The following MAST4 variants were observed in gnomAD, a reference collection of about 807,000 sequenced individuals.
MAST4 encodes the protein microtubule-associated serine/threonine-protein kinase 4.
In MAST4, 89 loss-of-function variants were observed where a neutral mutation model predicts 162.7. The ratio of observed to expected loss-of-function variants is 0.55; its 90% confidence interval spans 0.46 to 0.65. The LOEUF (loss-of-function observed/expected upper bound fraction) is 0.65, where lower values mean the gene tolerates loss of function less well. MAST4 is among the 30% of genes least tolerant of loss of function. The pLI, the probability that MAST4 is intolerant of heterozygous loss-of-function variation, is 0.00. For missense variants in MAST4, 3,153 were observed against 3,374.0 expected (o/e 0.93, Z 1.62); for synonymous variants, 1,479 against 1,361.1 (o/e 1.09, Z -1.91).
intron 4 of MAST4, among the ~76,000 whole-genome samples, chr5:67,020,107 CAT>C (rs1284189311): frequency 2.6e-5 from 4 of 152,178 alleles, no homozygotes; most frequent in African/African-American, 9.7e-5. Flanking sequence ...CTGAACTGTA[CAT>C]GTTACCTCTA....
At chr5:67,135,975 A>G (rs1237113583) in intron 18 of MAST4, among the ~76,000 whole-genome samples, 1 of 152,230 alleles carries the variant, frequency 6.6e-6, no homozygotes, top group Non-Finnish European at 1.5e-5. Context: ...TTCCATTACT[A>G]TGATTACTTT....
intron 4 of MAST4, among the ~76,000 whole-genome samples, chr5:67,050,915 G>A (rs1406912789): frequency 1.3e-5 from 2 of 152,178 alleles, no homozygotes; most frequent in East Asian, 1.9e-4. Flanking sequence ...GCATGGGCAT[G>A]GTGAATGGCT....
chr5:67,120,541 A>G (rs1307917822), intron 13 of MAST4, among the ~76,000 whole-genome samples: 2 of 152,204 alleles, frequency 1.3e-5, no homozygotes, highest in African/African-American at 4.8e-5. Flanking sequence ...AAAGGCAGGC[A>G]TTCTGTACTT....
intron 3 of MAST4, among the ~76,000 whole-genome samples, chr5:66,808,634 A>G (rs1290906320): frequency 6.6e-6 from 1 of 152,162 alleles, no homozygotes; most frequent in Non-Finnish European, 1.5e-5. Flanking sequence ...CCATTGCCAG[A>G]TCAGGGCCAG....
At chr5:66,757,344 C>T (rs1389347905) in intron 1 of MAST4, among the ~76,000 whole-genome samples, 1 of 152,160 alleles carries the variant, frequency 6.6e-6, no homozygotes, top group Non-Finnish European at 1.5e-5. Flanking sequence ...GGTAGGCATC[C>T]ATTCTTAGTG....
At chr5:66,869,910 G>T (rs1199811032) in intron 3 of MAST4, among the ~76,000 whole-genome samples, 3 of 152,094 alleles carry the variant, frequency 2.0e-5, no homozygotes, top group Non-Finnish European at 4.4e-5. Flanking sequence ...GCTCACAGTG[G>T]GTAGTACTTG....
At chr5:67,114,037 C>A (rs1465239557) in intron 11 of MAST4, 50 bp from the exon 12 acceptor site, 12 of 1,607,834 alleles carry the variant, frequency 7.5e-6, no homozygotes, top group Admixed American at 3.4e-5. Flanking sequence ...AATAAAACCT[C>A]AGACAATTTT....
At position 67,162,782 on chromosome 5, in the gene MAST4, C is replaced by T; in HGVS notation, c.3961C>T (p.Pro1321Ser). 1 of 1,613,720 alleles carries T rather than the reference C, an allele frequency of 6.2e-7. No homozygotes were observed. Among genetic ancestry groups the T allele is most frequent in the Non-Finnish European group, 8.5e-7 (1 of 1,179,794 alleles). The stretch of plus-strand genomic sequence containing the variant: ...AAGCTACCGCTCCACCCCTGACTTC[C>T]CATCTGGTGAGTGAGTCTCCTGGTC... ...TPSYRSTPDF[P>S]SGTNSSQSSS... is the part of the protein sequence containing the mutation. Residue 1321 changes from proline to serine, a missense_variant, in exon 28 of 29, where the codon CCA (proline) becomes TCA (serine). Coordinates refer to ENST00000403625, the MANE Select transcript of MAST4 (RefSeq NM_001164664.2).
At chr5:66,620,606 T>TA (rs1199572211) in intron 1 of MAST4, among the ~76,000 whole-genome samples, 1 of 152,248 alleles carries the variant, frequency 6.6e-6, no homozygotes, top group Non-Finnish European at 1.5e-5. Context: ...CTGTGAGCAG[T>TA]AGTCTCATTT....
chr5:66,847,837 A>G (rs1758984553), intron 3 of MAST4, among the ~76,000 whole-genome samples: 1 of 150,958 alleles, frequency 6.6e-6, no homozygotes, highest in African/African-American at 2.4e-5. Context: ...AAAAAAAAAA[A>G]AAAAAAGAAA....
intron 1 of MAST4, among the ~76,000 whole-genome samples, chr5:66,692,825 A>T (rs1408807075): frequency 6.6e-6 from 1 of 152,124 alleles, no homozygotes; most frequent in Non-Finnish European, 1.5e-5. Flanking sequence ...CAAAGTATAT[A>T]TATACTTCAA....
intron 1 of MAST4, among the ~76,000 whole-genome samples, chr5:66,622,079 G>A (rs1223268523): frequency 3.3e-5 from 5 of 152,110 alleles, no homozygotes; most frequent in Admixed American, 2.0e-4. Flanking sequence ...TTACATGGTA[G>A]TGTACCCTAA....
At chr5:66,814,380 C>A (rs1756622807) in intron 3 of MAST4, among the ~76,000 whole-genome samples, 1 of 152,042 alleles carries the variant, frequency 6.6e-6, no homozygotes, top group Non-Finnish European at 1.5e-5. Flanking sequence ...GCTTTTTTTA[C>A]CTTTGGCTAC....
At position 66,850,929 on chromosome 5, in the gene MAST4, C is replaced by CTT. The variant is rs59161379; in HGVS notation, c.643-49007_643-49006dup. On this transcript the variant is annotated intron_variant, in intron 3 of 28. Coordinates refer to ENST00000403625, the MANE Select transcript of MAST4 (RefSeq NM_001164664.2). ...CCAAGATGTTGCCACCATTTTAAGC[C>CTT]TTTTTTTTTTTTTTTTGAAGAAAAA... is the stretch of plus-strand genomic sequence containing the variant. Among the ~76,000 whole-genome samples, 1,038 of 137,648 alleles carry CTT rather than the reference C, an allele frequency of 7.5e-3. 6 individuals carry two copies. The highest frequency in any genetic ancestry group is 0.011 in the Non-Finnish European group (726 of 64,396). The allele number at this position is 137,648 out of a possible 152,430, so 90.3% of individuals were successfully genotyped here.
chr5:66,905,248 A>C (rs1160598840), intron 4 of MAST4, among the ~76,000 whole-genome samples: 1 of 143,032 alleles, frequency 7.0e-6, no homozygotes, highest in Non-Finnish European at 1.5e-5. Context: ...TGGAGGTTGC[A>C]GTGAGCCGAG....
intron 2 of MAST4, among the ~76,000 whole-genome samples, chr5:66,763,722 A>G (rs1177321981): frequency 6.6e-6 from 1 of 152,204 alleles, no homozygotes; most frequent in Non-Finnish European, 1.5e-5. Flanking sequence ...TAATTAAATA[A>G]TTGTATACAG....
chr5:67,035,372 G>T (rs1051797773), intron 4 of MAST4, among the ~76,000 whole-genome samples: 1 of 152,088 alleles, frequency 6.6e-6, no homozygotes, highest in Non-Finnish European at 1.5e-5. Context: ...AAAAAAAATG[G>T]CATACAGTAT....
At chr5:66,606,220 G>A (rs1376171062) in intron 1 of MAST4, among the ~76,000 whole-genome samples, 1 of 152,134 alleles carries the variant, frequency 6.6e-6, no homozygotes, top group African/African-American at 2.4e-5. Context: ...CAGAATGTTT[G>A]GGGGCAAAGC....
chr5:67,150,210 G>A (rs1771623404), intron 24 of MAST4, among the ~76,000 whole-genome samples: 2 of 152,180 alleles, frequency 1.3e-5, no homozygotes, highest in Non-Finnish European at 1.5e-5. Context: ...CCACAAACTG[G>A]TTTTGCCACT....
Sources: gnomAD v4.1 joint callset for allele counts (sites outside exome capture counted in the v4.1 genomes callset) on GRCh38, gnomAD v4.1.1 for gene constraint, MANE v1.5 for transcripts, NCBI Gene and HGNC (gene_info 2026-07-23, HGNC 2026-07-21) for gene names.